DYRK1A: variants seen among roughly 807,000 people sequenced by gnomAD.
The protein encoded by DYRK1A is dual specificity tyrosine phosphorylation regulated kinase 1A, also known as dual specificity tyrosine-phosphorylation-regulated kinase 1A.
Under a neutral mutation model 79.7 loss-of-function variants are expected in DYRK1A, and 9 were observed. The observed-to-expected ratio is 0.11, with a 90% CI of 0.07 to 0.20. The LOEUF is 0.20. DYRK1A is among the 10% of genes least tolerant of loss of function. The pLI, the probability that DYRK1A is intolerant of heterozygous loss-of-function variation, is 1.00. For missense variants in DYRK1A, 622 were observed against 956.0 expected, an observed-to-expected ratio of 0.65 and a Z score of 4.61; for synonymous variants, 349 against 329.7, an observed-to-expected ratio of 1.06 and a Z score of -0.63.
chr21:37,430,767 A>G (rs958173574), intron 2 of DYRK1A, among the ~76,000 whole-genome samples: 3 of 152,154 alleles, frequency 2.0e-5, no homozygotes, highest in African/African-American at 7.2e-5. Flanking sequence ...GTATCCTCAC[A>G]GGCATTTCTT....
intron 11 of DYRK1A, among the ~76,000 whole-genome samples, chr21:37,509,316 A>T (rs2053687280): frequency 6.6e-6 from 1 of 152,254 alleles, no homozygotes. Context: ...TAGTCTTGAC[A>T]TATATTTTGG....
intron 2 of DYRK1A, among the ~76,000 whole-genome samples, chr21:37,471,760 T>C (rs2148554268): frequency 6.6e-6 from 1 of 152,256 alleles, no homozygotes; most frequent in East Asian, 1.9e-4. Context: ...GTCGGAAGTA[T>C]TTTGCTACTG....
chr21:37,393,324 A>G (rs2049905139), intron 1 of DYRK1A, among the ~76,000 whole-genome samples: 1 of 152,048 alleles, frequency 6.6e-6, no homozygotes, highest in Non-Finnish European at 1.5e-5. Flanking sequence ...CAGAAACTCC[A>G]CTCTCTGTTT....
At chr21:37,464,178 A>T in intron 2 of DYRK1A, 1 of 348,660 alleles carries the variant, frequency 2.9e-6, no homozygotes, top group Non-Finnish European at 5.7e-6. Context: ...TGCTTTTTGT[A>T]TTTGCTGTTT....
At chr21:37,439,574 C>T (rs968730852) in intron 2 of DYRK1A, among the ~76,000 whole-genome samples, 4 of 152,164 alleles carry the variant, frequency 2.6e-5, no homozygotes, top group Admixed American at 2.0e-4. Flanking sequence ...GCATTAGACT[C>T]GCATAGACAT....
rs950200985 is a variant in DYRK1A at position 37,516,331 on chromosome 21, G to A, written c.*3800G>A. The stretch of plus-strand genomic sequence containing the variant: ...CTTCATTCAGATTTCTTAAAAATCT[G>A]CTAGGGATGTCTGTTGACCAGACGT... On this transcript the variant is annotated 3_prime_UTR_variant, in exon 12 of 12. Coordinates refer to ENST00000647188, the MANE Select transcript of DYRK1A (RefSeq NM_001347721.2). The A allele has an allele frequency of 6.6e-6, 1 of 152,210 alleles. No homozygotes were observed. Among genetic ancestry groups the A allele is most frequent in the Non-Finnish European group, 1.5e-5 (1 of 68,040 alleles). The allele number at this position is 152,210 out of a possible 1,614,324, so 9.4% of individuals were successfully genotyped here.
intron 1 of DYRK1A, among the ~76,000 whole-genome samples, chr21:37,369,518 A>G (rs1602343379): frequency 6.6e-6 from 1 of 152,236 alleles, no homozygotes; most frequent in African/African-American, 2.4e-5. Flanking sequence ...TTATACTTCA[A>G]ACCATGCCAG....
chr21:37,455,564 C>T (rs545943561), intron 2 of DYRK1A, among the ~76,000 whole-genome samples: 141 of 152,220 alleles, frequency 9.3e-4, no homozygotes, highest in African/African-American at 2.5e-3. Flanking sequence ...ATCTGTCGTC[C>T]GTATTGAAAC....
At chr21:37,395,587 C>CAA (rs2049946392) in intron 1 of DYRK1A, among the ~76,000 whole-genome samples, 1 of 151,932 alleles carries the variant, frequency 6.6e-6, no homozygotes, top group Non-Finnish European at 1.5e-5. Flanking sequence ...AATTTCTCTC[C>CAA]TGGGGATGGG....
rs1032655482 is a variant in DYRK1A, at chr21:37,490,107, G to A, written c.638-68G>A. On this transcript the variant is annotated intron_variant, in intron 6 of 11. Coordinates refer to ENST00000647188, the MANE Select transcript of DYRK1A (RefSeq NM_001347721.2). ...TAATAATGTTATAGAACATTTGAGA[G>A]TGCATGTGTTTGTTACTCTCAGTTT... 1.1e-5 allele frequency: 16 copies of A among 1,421,026 alleles called. No individual in the cohort carries two copies. The African/African-American group carries it at 2.3e-4, about 20-fold the overall frequency. The allele number at this position is 1,421,026 out of a possible 1,614,324, so 88.0% of individuals were successfully genotyped here. A position where few individuals can be genotyped will look rare whatever the true frequency, so the allele number is the denominator to read the frequency against.
intron 1 of DYRK1A, among the ~76,000 whole-genome samples, chr21:37,370,748 A>G (rs1268630209): frequency 6.6e-6 from 1 of 152,200 alleles, no homozygotes; most frequent in Non-Finnish European, 1.5e-5. Flanking sequence ...CTGAACCAAG[A>G]ATCTTTACTT....
chr21:37,399,763 C>A (rs771646205), intron 1 of DYRK1A, among the ~76,000 whole-genome samples: 2 of 152,166 alleles, frequency 1.3e-5, no homozygotes, highest in Non-Finnish European at 2.9e-5. Context: ...AGCAGTGAGA[C>A]TGTACATCAT....
intron 2 of DYRK1A, chr21:37,464,423 A>G (rs2051955844): frequency 3.1e-6 from 1 of 318,802 alleles, no homozygotes; most frequent in Non-Finnish European, 6.0e-6. Flanking sequence ...AAACATGCTC[A>G]TGGTAAAAAT....
intron 3 of DYRK1A, among the ~76,000 whole-genome samples, chr21:37,476,818 T>TCC (rs71328590): frequency 0.068 from 5,252 of 77,484 alleles, 272 homozygotes; most frequent in African/African-American, 0.085. Context: ...CACCAAGGGT[T>TCC]CCCCCCCCCC....
At chr21:37,369,650 A>G (rs1335867314) in intron 1 of DYRK1A, among the ~76,000 whole-genome samples, 2 of 152,220 alleles carry the variant, frequency 1.3e-5, no homozygotes. Flanking sequence ...TTGCAGGAGG[A>G]AGGGTCACCC....
At chr21:37,510,783 A>G (rs1416830703) in intron 11 of DYRK1A, among the ~76,000 whole-genome samples, 1 of 151,944 alleles carries the variant, frequency 6.6e-6, no homozygotes, top group Non-Finnish European at 1.5e-5. Flanking sequence ...CTTGGGAGGT[A>G]TTATCTTGTG....
intron 3 of DYRK1A, among the ~76,000 whole-genome samples, chr21:37,477,618 C>T (rs2052447774): frequency 1.3e-5 from 2 of 152,092 alleles, no homozygotes; most frequent in Admixed American, 6.5e-5. Flanking sequence ...GAGGGCAAGC[C>T]TTGGTTAGGG....
chr21:37,421,530 A>T (rs1009437958), intron 2 of DYRK1A, among the ~76,000 whole-genome samples: 2 of 152,154 alleles, frequency 1.3e-5, no homozygotes, highest in African/African-American at 2.4e-5. Flanking sequence ...TTGAGCAATC[A>T]TCTCTGTTAC....
intron 11 of DYRK1A, among the ~76,000 whole-genome samples, chr21:37,507,197 C>G (rs916823577): frequency 1.3e-5 from 2 of 152,232 alleles, no homozygotes; most frequent in African/African-American, 4.8e-5. Flanking sequence ...CACTTCTCCT[C>G]TACCCCTTTT....
Sources: gnomAD v4.1 joint callset for allele counts (sites outside exome capture counted in the v4.1 genomes callset) on GRCh38, gnomAD v4.1.1 for gene constraint, MANE v1.5 for transcripts, NCBI Gene and HGNC (gene_info 2026-07-23, HGNC 2026-07-21) for gene names.